The following POLR3F variants were observed in gnomAD, a reference collection of about 807,000 sequenced individuals.
The protein encoded by POLR3F is RNA polymerase III subunit F.
A neutral mutation model predicts 43.6 loss-of-function variants in POLR3F; 31 were observed. That is an observed-to-expected ratio of 0.71 (90% confidence interval 0.53 to 0.96). The LOEUF is 0.96. Ranked by LOEUF, POLR3F falls within the 40% of genes least tolerant of loss-of-function variation. POLR3F has a pLI of 0.00. For synonymous variants in POLR3F, 114 were observed against 132.5 expected (o/e 0.86, Z 0.96); for missense variants, 316 against 391.7 (o/e 0.81, Z 1.63).
intron 3 of POLR3F, 49 bp downstream of exon 3, chr20:18,472,958 C>T (rs530278467): frequency 2.6e-5 from 22 of 860,696 alleles, no homozygotes; most frequent in Admixed American, 8.3e-5. Flanking sequence ...TATTTGCAAA[C>T]GTATGTGTTG....
At chr20:18,469,502 G>T (rs1452139834) in intron 2 of POLR3F, 1 of 158,176 alleles carries the variant, frequency 6.3e-6, no homozygotes, top group Non-Finnish European at 1.4e-5. Context: ...AGCTTGCAGA[G>T]GGCAGATGAT....
chr20:18,475,121 A>G lies in POLR3F; in HGVS notation c.363A>G (p.Thr121=). Residue 121 remains threonine, a synonymous_variant, in exon 5 of 9, where the codon ACA becomes ACG. Transcript: ENST00000377603. ...DIRYKSNLPL[T]EINKILKNLE... is the part of the protein sequence containing the mutation. ...GCTATAAAAGTAATTTGCCATTAAC[A>G]GAAATCAACAAAATTCTGAAGAATC... 1.9e-6 allele frequency: 3 copies of G among 1,552,894 alleles called. No homozygotes were observed. Among genetic ancestry groups the G allele is most frequent in the Non-Finnish European group, 2.7e-6 (3 of 1,124,906 alleles).
chr20:18,471,728 AT>A (rs2059752575), intron 2 of POLR3F, among the ~76,000 whole-genome samples: 1 of 152,230 alleles, frequency 6.6e-6, no homozygotes, highest in Non-Finnish European at 1.5e-5. Flanking sequence ...CCTGCCAGTA[AT>A]CCCAGCACTT....
chr20:18,470,890 C>G (rs940442404), intron 2 of POLR3F, among the ~76,000 whole-genome samples: 1 of 152,030 alleles, frequency 6.6e-6, no homozygotes, highest in Non-Finnish European at 1.5e-5. Context: ...CTGTCCACAC[C>G]CCCTCCATTT....
chr20:18,482,080 C>T (rs375812647), intron 8 of POLR3F, among the ~76,000 whole-genome samples: 2 of 148,662 alleles, frequency 1.3e-5, no homozygotes, highest in Admixed American at 6.9e-5. Context: ...CTCCAACTCC[C>T]GGGTTCAAGC....
intron 7 of POLR3F, 55 bp from the exon 8 acceptor site, chr20:18,481,564 C>T: frequency 8.3e-7 from 1 of 1,205,006 alleles, no homozygotes; most frequent in Non-Finnish European, 1.2e-6. Flanking sequence ...TAACACCCTC[C>T]AAGTGGATGT....
intron 5 of POLR3F, among the ~76,000 whole-genome samples, chr20:18,477,342 TTGC>T (rs1311009244): frequency 6.6e-6 from 1 of 152,212 alleles, no homozygotes; most frequent in Admixed American, 6.5e-5. Context: ...CACTCATACA[TTGC>T]TAAGAATGCA....
intron 8 of POLR3F, among the ~76,000 whole-genome samples, chr20:18,482,107 C>T (rs1468769581): frequency 1.3e-5 from 2 of 151,196 alleles, no homozygotes; most frequent in Non-Finnish European, 2.9e-5. Context: ...CCTGCCTCAG[C>T]CACCTGAGTA....
At chr20:18,473,496 C>G in intron 4 of POLR3F, 38 bp downstream of exon 4, 1 of 1,020,140 alleles carries the variant, frequency 9.8e-7, no homozygotes, top group Non-Finnish European at 1.6e-6. Context: ...AAAACATTGT[C>G]TTTGGAACTA....
Position 18,484,216 on chromosome 20 carries a change from T to C in POLR3F, c.*658T>C, listed in dbSNP as rs2059825941. On this transcript the variant is annotated 3_prime_UTR_variant, in exon 9 of 9. Coordinates refer to ENST00000377603, the MANE Select transcript of POLR3F (RefSeq NM_006466.4). ...ACATATTTTCAGTACATAAATACTA[T>C]CATTTTCATTCTAAAGAATATTTTC... 1 of 398,530 alleles carries C rather than the reference T, an allele frequency of 2.5e-6. No homozygotes were observed. The allele number at this position is 398,530 out of a possible 1,614,324, so 24.7% of individuals were successfully genotyped here. A position where few individuals can be genotyped will look rare whatever the true frequency, so the allele number is the denominator to read the frequency against.
intron 5 of POLR3F, among the ~76,000 whole-genome samples, chr20:18,476,676 A>G (rs1020687664): frequency 2.0e-5 from 3 of 152,250 alleles, no homozygotes; most frequent in African/African-American, 7.2e-5. Flanking sequence ...GAGTTTATCA[A>G]AATTTTTTGA....
chr20:18,467,452 T>A lies in POLR3F; in HGVS notation c.-55T>A. ...CACTGGTTCCCCGGGTTCCCCGGCT[T>A]GCTACCGGGCTGCTCCGTGCATCTT... On this transcript the variant is annotated 5_prime_UTR_variant, in exon 1 of 9. Transcript: ENST00000377603. 6.2e-7 allele frequency: 1 copy of A among 1,600,012 alleles called. No homozygotes were observed. Among genetic ancestry groups the A allele is most frequent in the Non-Finnish European group, 8.6e-7 (1 of 1,167,194 alleles).
rs1390536302 is a variant in POLR3F at position 18,481,790 on chromosome 20, G to A, written c.853G>A (p.Ala285Thr). ...PIIPPTGLVRAPCGLCPVFDD... is the reference protein window; with the variant it reads ...PIIPPTGLVRTPCGLCPVFDD... ...CATCCCTCCCACAGGTTTGGTCCGGGCACCCTGTGGACTCTGCCCGGTGAG... is the reference window on the plus strand; with the variant it reads ...CATCCCTCCCACAGGTTTGGTCCGGACACCCTGTGGACTCTGCCCGGTGAG... Residue 285 changes from alanine to threonine, a missense_variant, in exon 8 of 9, where the codon GCA becomes ACA. Around this residue, in one of 3 missense-constraint regions of POLR3F, gnomAD observed 85 missense variants for 80.2 expected, o/e 1.06. Coordinates refer to ENST00000377603, the MANE Select transcript of POLR3F (RefSeq NM_006466.4). 1 of 1,612,884 alleles carries A rather than the reference G, an allele frequency of 6.2e-7. No homozygotes were observed. Among genetic ancestry groups the A allele is most frequent in the Non-Finnish European group, 8.5e-7 (1 of 1,179,024 alleles).
At chr20:18,478,306 C>T (rs565697793) in intron 5 of POLR3F, among the ~76,000 whole-genome samples, 1 of 152,042 alleles carries the variant, frequency 6.6e-6, no homozygotes, top group South Asian at 2.1e-4. Context: ...GCATCAACCT[C>T]CTGGGCTCAA....
intron 5 of POLR3F, 76 bp from the exon 6 acceptor site, chr20:18,479,962 G>C: frequency 9.3e-7 from 1 of 1,074,400 alleles, no homozygotes; most frequent in Non-Finnish European, 1.4e-6. Context: ...ATCTTAAACT[G>C]TTCCAAAATA....
In POLR3F at chr20:18,481,666, T is replaced by C; in HGVS notation, c.729T>C (p.Ile243=). 1 of 1,613,214 alleles carries C rather than the reference T, an allele frequency of 6.2e-7. No individual in the cohort carries two copies. Among genetic ancestry groups the C allele is most frequent in the Admixed American group, 1.7e-5 (1 of 60,016 alleles). ...EDIETILNTL[I]YDGKVEMTII... is the part of the protein sequence containing the mutation. Reference sequence around the variant, plus strand: ...TTGAAACCATCCTGAATACACTCATTTATGATGGAAAAGTGGAGATGACGA... The same window carrying C: ...TTGAAACCATCCTGAATACACTCATCTATGATGGAAAAGTGGAGATGACGA... Residue 243 remains isoleucine (I), a synonymous_variant, in exon 8 of 9, where the codon ATT becomes ATC. Transcript: ENST00000377603.
Position 18,475,114 on chromosome 20 carries a change from C to A in POLR3F, c.356C>A (p.Pro119Gln). The change falls in exon 5 of 9, where the codon CCA (proline) becomes CAA (glutamine). Residue 119 changes from proline (P) to glutamine (Q), a missense_variant. By Grantham distance (76) the Pro-to-Gln change is moderately conservative. Transcript: ENST00000377603. The part of the protein sequence containing the change: ...SRDIRYKSNL[P>Q]LTEINKILKN... ...GATATCCGCTATAAAAGTAATTTGC[C>A]ATTAACAGAAATCAACAAAATTCTG... 6.5e-7 allele frequency: 1 copy of A among 1,534,132 alleles called. No individual in the cohort carries two copies. Among genetic ancestry groups the A allele is most frequent in the Non-Finnish European group, 9.0e-7 (1 of 1,108,288 alleles).
At chr20:18,471,356 A>AC (rs992581798) in intron 2 of POLR3F, among the ~76,000 whole-genome samples, 4 of 151,872 alleles carry the variant, frequency 2.6e-5, no homozygotes, top group Admixed American at 2.0e-4. Context: ...AAGTCACTGA[A>AC]CCCCCCCAGG....
rs368449434 is a variant in POLR3F, at chr20:18,467,471, G to A, written c.-36G>A. 6.2e-7 allele frequency: 1 copy of A among 1,612,964 alleles called. No individual in the cohort carries two copies. Among genetic ancestry groups the A allele is most frequent in the Admixed American group, 1.7e-5 (1 of 60,028 alleles). On this transcript the variant is annotated 5_prime_UTR_variant, in exon 1 of 9. Coordinates refer to ENST00000377603, the MANE Select transcript of POLR3F (RefSeq NM_006466.4). ...CCGGCTTGCTACCGGGCTGCTCCGT[G>A]CATCTTTCCCCCCAGGCGTCAGGAA... is the stretch of plus-strand genomic sequence containing the variant.
Sources: gnomAD v4.1 joint callset for allele counts (sites outside exome capture counted in the v4.1 genomes callset) on GRCh38, gnomAD v4.1.1 for gene constraint, gnomAD v4.1.1 regional missense constraint, MANE v1.5 for transcripts, NCBI Gene and HGNC (gene_info 2026-07-23, HGNC 2026-07-21) for gene names.